Variants in CRPPA observed in about 807,000 individuals in gnomAD.
CRPPA encodes the protein CDP-L-ribitol pyrophosphorylase A, also known as D-ribitol-5-phosphate cytidylyltransferase.
CRPPA carries 43 observed loss-of-function variants against 52.0 expected under a neutral mutation model. That is an observed-to-expected ratio of 0.83 (90% CI 0.65 to 1.07). The LOEUF (loss-of-function observed/expected upper bound fraction) is 1.07. Ranked by LOEUF, CRPPA falls within the 50% of genes least tolerant of loss-of-function variation. CRPPA has a pLI of 0.00. For synonymous variants in CRPPA, 250 were observed against 203.5 expected (o/e 1.23, Z -1.94); for missense variants, 629 against 551.7 (o/e 1.14, Z -1.40).
In CRPPA at chr7:16,403,561, T is replaced by C. The variant is rs377126077; in HGVS notation, c.534+2500A>G. On this transcript the variant is annotated intron_variant, in intron 2 of 9. Transcript: ENST00000407010. ...ATTAATACCTAGGAAGAAAAAATAA[T>C]CAGTTAAGGAGTCTGTAGAAAACTA... 1.3e-4 allele frequency among the ~76,000 whole-genome samples: 19 copies of C among 151,994 alleles called. No individual in the cohort carries two copies. The East Asian group carries it at 1.7e-3, about 14-fold the overall frequency.
At position 16,132,267 on chromosome 7, in the gene CRPPA, G is replaced by A. The variant is rs535031156; in HGVS notation, c.1252-40468C>T. On this transcript the variant is annotated intron_variant, in intron 9 of 9. Coordinates refer to ENST00000407010, the MANE Select transcript of CRPPA (RefSeq NM_001101426.4). ...CGCTTTCAGAGTGGTGATGTCCATC[G>A]TATGCCTGTAACATTATTGTATTTT... Among the ~76,000 whole-genome samples the A allele has an allele frequency of 5.0e-4, 59 of 118,396 alleles. 5 individuals are homozygous for A. Among genetic ancestry groups the A allele is most frequent in the Middle Eastern group, 4.4e-3 (1 of 228 alleles). 77.7% of individuals were successfully genotyped at this position (118,396 alleles called of 152,430 possible).
At position 16,421,286 on chromosome 7, in the gene CRPPA, C is replaced by T. The variant is rs1403508868; in HGVS notation, c.37G>A (p.Glu13Lys). Residue 13 changes from glutamate (E) to lysine (K), a missense_variant, in exon 1 of 10, where the codon GAG (glutamate) becomes AAG (lysine). Coordinates refer to ENST00000407010, the MANE Select transcript of CRPPA (RefSeq NM_001101426.4). ...TGACCACTCAGGCAAGGACCCGGCT[C>T]CGCCGGCCTGGCGCTGCCCGGCGGC... is the stretch of plus-strand genomic sequence containing the variant. ...AGPPGSARPAEPGPCLSGQRG... is the reference protein window; with the variant it reads ...AGPPGSARPAKPGPCLSGQRG... 7.0e-6 allele frequency: 9 copies of T among 1,277,126 alleles called. No individual in the cohort carries two copies. The highest frequency in any genetic ancestry group is 8.9e-6 in the Non-Finnish European group (9 of 1,006,226). The allele number at this position is 1,277,126 out of a possible 1,614,324, so 79.1% of individuals were successfully genotyped here. A position where few individuals can be genotyped will look rare whatever the true frequency, so the allele number is the denominator to read the frequency against.
chr7:16,329,652 T>A (rs1315425974), intron 3 of CRPPA, among the ~76,000 whole-genome samples: 1 of 152,196 alleles, frequency 6.6e-6, no homozygotes. Context: ...TTGCCTCTCA[T>A]CAGTAAATTG....
At chr7:16,176,757 AG>A (rs1562540690) in intron 9 of CRPPA, among the ~76,000 whole-genome samples, 1 of 152,078 alleles carries the variant, frequency 6.6e-6, no homozygotes. Context: ...ATTCTCCTAA[AG>A]TTAAATGTGC....
intron 9 of CRPPA, among the ~76,000 whole-genome samples, chr7:16,148,879 A>C (rs1235646605): frequency 1.3e-5 from 2 of 152,202 alleles, no homozygotes; most frequent in Non-Finnish European, 2.9e-5. Flanking sequence ...AATTGCCCTG[A>C]TTTTATCTTT....
At chr7:16,276,701 G>A (rs1273179371) in intron 6 of CRPPA, 1 of 152,236 alleles carries the variant, frequency 6.6e-6, no homozygotes, top group East Asian at 1.9e-4. Flanking sequence ...TCAACATAAG[G>A]ATTGTAGTGG....
At chr7:16,322,629 C>CA (rs1785286844) in intron 3 of CRPPA, among the ~76,000 whole-genome samples, 1 of 152,118 alleles carries the variant, frequency 6.6e-6, no homozygotes, top group Non-Finnish European at 1.5e-5. Context: ...GGTAAGGAAA[C>CA]CTGACAACAT....
intron 9 of CRPPA, among the ~76,000 whole-genome samples, chr7:16,166,273 G>A (rs1437989516): frequency 6.6e-6 from 1 of 151,100 alleles, no homozygotes; most frequent in Non-Finnish European, 1.5e-5. Context: ...AACACTACTG[G>A]TACAGCCTAA....
At chr7:16,362,454 T>A (rs1786479486) in intron 3 of CRPPA, among the ~76,000 whole-genome samples, 2 of 152,142 alleles carry the variant, frequency 1.3e-5, no homozygotes, top group Non-Finnish European at 2.9e-5. Flanking sequence ...GACAGAACCC[T>A]TGTGGCTTAA....
chr7:16,401,203 T>C (rs1787808869), intron 2 of CRPPA, among the ~76,000 whole-genome samples: 1 of 152,202 alleles, frequency 6.6e-6, no homozygotes. Flanking sequence ...AGCTCAGGTA[T>C]AATCCAAGGA....
rs1000697818 is a variant in CRPPA, at chr7:16,134,250, C to G, written c.1252-42451G>C. ...ACGGACCTTATGATTTTCTTCACAT[C>G]TTTTCCCTAGCTTACTTTATTGTAA... On this transcript the variant is annotated intron_variant, in intron 9 of 9. Coordinates refer to ENST00000407010, the MANE Select transcript of CRPPA (RefSeq NM_001101426.4). Among the ~76,000 whole-genome samples the G allele has an allele frequency of 3.2e-5, 4 of 125,102 alleles. 1 individual carries two copies. Among genetic ancestry groups the G allele is most frequent in the African/African-American group, 7.8e-5 (3 of 38,544 alleles). 82.1% of individuals were successfully genotyped at this position (125,102 alleles called of 152,430 possible).
intron 8 of CRPPA, among the ~76,000 whole-genome samples, chr7:16,248,781 AAGGGGTC>A (rs1228381861): frequency 1.3e-5 from 2 of 152,138 alleles, no homozygotes; most frequent in Non-Finnish European, 2.9e-5. Flanking sequence ...TGGGAAGTGC[AAGGGGTC>A]AGGGGATTTC....
chr7:16,412,677 C>G (rs1196361582), intron 1 of CRPPA, among the ~76,000 whole-genome samples: 1 of 152,196 alleles, frequency 6.6e-6, no homozygotes, highest in African/African-American at 2.4e-5. Flanking sequence ...GTACCTCACA[C>G]AGTGTCTACC....
intron 8 of CRPPA, among the ~76,000 whole-genome samples, chr7:16,246,962 G>A (rs1783291802): frequency 6.6e-6 from 1 of 152,200 alleles, no homozygotes; most frequent in Admixed American, 6.5e-5. Flanking sequence ...TTTGAAGCTA[G>A]GCATTGACTT....
intron 3 of CRPPA, among the ~76,000 whole-genome samples, chr7:16,326,740 C>T (rs1291877227): frequency 6.6e-6 from 1 of 152,124 alleles, no homozygotes; most frequent in East Asian, 1.9e-4. Flanking sequence ...TAACTATAAT[C>T]CTTGTGAAAG....
intron 3 of CRPPA, among the ~76,000 whole-genome samples, chr7:16,334,670 A>C (rs2128431075): frequency 6.6e-6 from 1 of 152,216 alleles, no homozygotes; most frequent in South Asian, 2.1e-4. Context: ...GACAGCCTCA[A>C]CTGACGACAA....
rs371184103 is a variant in CRPPA at position 16,100,207 on chromosome 7, C to A, written c.1252-8408G>T. Reference sequence around the variant, plus strand: ...TTTCTGCCCCCAGAAAAATGGTTTCCCAGTAACTGTCTAATTGACATCAAT... The same window carrying A: ...TTTCTGCCCCCAGAAAAATGGTTTCACAGTAACTGTCTAATTGACATCAAT... On this transcript the variant is annotated intron_variant, in intron 9 of 9. Transcript: ENST00000407010. Among the ~76,000 whole-genome samples, 10 of 152,228 alleles carry A rather than the reference C, an allele frequency of 6.6e-5. No individual in the cohort carries two copies. The South Asian group carries it at 2.1e-3, about 32-fold the overall frequency.
chr7:16,204,419 A>G lies in CRPPA; in HGVS notation c.1251+11647T>C, dbSNP rs578227948. Among the ~76,000 whole-genome samples the G allele has an allele frequency of 5.9e-5, 9 of 152,264 alleles. No homozygotes were observed. In the East Asian group the frequency reaches 1.5e-3, roughly 26 times the overall value. On this transcript the variant is annotated intron_variant, in intron 9 of 9. Coordinates refer to ENST00000407010, the MANE Select transcript of CRPPA (RefSeq NM_001101426.4). ...TTTCAGTTATTAGTGGGAGCTAAAT[A>G]ACGTGTACACATGAACAAAGAGGGG... is the stretch of plus-strand genomic sequence containing the variant.
intron 3 of CRPPA, among the ~76,000 whole-genome samples, chr7:16,344,095 A>G (rs1785940262): frequency 6.6e-6 from 1 of 152,138 alleles, no homozygotes. Flanking sequence ...AATTAACACT[A>G]AATCCTAGGG....
Sources: gnomAD v4.1 joint callset for allele counts (sites outside exome capture counted in the v4.1 genomes callset) on GRCh38, gnomAD v4.1.1 for gene constraint, MANE v1.5 for transcripts, NCBI Gene and HGNC (gene_info 2026-07-23, HGNC 2026-07-21) for gene names.